FRMD6: variants seen among roughly 807,000 people sequenced by gnomAD.
FRMD6 encodes the protein FERM domain containing 6, also known as FERM domain-containing protein 6.
In FRMD6, 37 loss-of-function variants were observed where a neutral mutation model predicts 73.2. That is an observed-to-expected ratio of 0.51 (90% CI 0.39 to 0.66). The LOEUF (loss-of-function observed/expected upper bound fraction) is 0.66. Ranked by LOEUF, FRMD6 falls within the 30% of genes least tolerant of loss-of-function variation. The pLI is 0.00. For missense variants in FRMD6, 714 were observed against 780.5 expected, an observed-to-expected ratio of 0.91 and a Z score of 1.02; for synonymous variants, 273 against 282.2, an observed-to-expected ratio of 0.97 and a Z score of 0.33.
intron 1 of FRMD6, among the ~76,000 whole-genome samples, chr14:51,508,462 C>T (rs1884106611): frequency 6.6e-6 from 1 of 152,148 alleles, no homozygotes; most frequent in African/African-American, 2.4e-5. Flanking sequence ...CCTTCCTTTC[C>T]CACAAGTCCT....
rs1446511602 is a variant in FRMD6, at chr14:51,728,331, C to T, written c.*302C>T. On this transcript the variant is annotated 3_prime_UTR_variant, in exon 14 of 14. Coordinates refer to ENST00000344768, the MANE Select transcript of FRMD6 (RefSeq NM_001267046.2). ...AGAATATTGGAGTGTGGTGTGTTTG[C>T]TCATCTGATGCTTTTTAGTTCAGTT... 1 of 280,998 alleles carries T rather than the reference C, an allele frequency of 3.6e-6. No individual in the cohort carries two copies. The highest frequency in any genetic ancestry group is 2.2e-5 in the African/African-American group (1 of 46,496). 17.4% of individuals were successfully genotyped at this position (280,998 alleles called of 1,614,324 possible).
At chr14:51,616,471 G>A (rs1352783036) in intron 2 of FRMD6, among the ~76,000 whole-genome samples, 1 of 152,314 alleles carries the variant, frequency 6.6e-6, no homozygotes, top group African/African-American at 2.4e-5. Context: ...CTGAAGATAA[G>A]CCACACAGCT....
the FRMD6 span, among the ~76,000 whole-genome samples, chr14:51,425,202 C>T: frequency 6.6e-6 from 1 of 152,164 alleles, no homozygotes; most frequent in Non-Finnish European, 1.5e-5. Context: ...GATGCTGCCA[C>T]CCAATCTCAT....
At chr14:51,599,058 CTTTTTTTTTTTTTTTTT>C (rs59151771) in intron 2 of FRMD6, among the ~76,000 whole-genome samples, 2 of 72,800 alleles carry the variant, frequency 2.7e-5, no homozygotes, top group African/African-American at 1.1e-4. Context: ...CAGTATCTGT[CTTTTTTTTTTTTTTTTT>C]TTTTTTTTTT....
chr14:51,627,213 A>C (rs1158444967), intron 2 of FRMD6, among the ~76,000 whole-genome samples: 1 of 152,202 alleles, frequency 6.6e-6, no homozygotes, highest in Non-Finnish European at 1.5e-5. Flanking sequence ...GCATGATTAA[A>C]ATATCAAGCC....
chr14:51,617,554 G>C (rs1393314176), intron 2 of FRMD6, among the ~76,000 whole-genome samples: 2 of 152,144 alleles, frequency 1.3e-5, no homozygotes. Context: ...GCACATATAT[G>C]TTTGAGACCT....
At position 51,555,898 on chromosome 14, in the gene FRMD6, C is replaced by T. The variant is rs80305352; in HGVS notation, c.-209-14450C>T. Among the ~76,000 whole-genome samples, 29 of 151,848 alleles carry T rather than the reference C, an allele frequency of 1.9e-4. 1 individual carries two copies. The East Asian group carries it at 4.3e-3, about 22-fold the overall frequency. On this transcript the variant is annotated intron_variant, in intron 1 of 14. Coordinates refer to the FRMD6 transcript ENST00000356218. ...GTTGCTGTTAATTACATGTTGGGTA[C>T]TGCTTACTTCCTATGTAAGGTCCAA...
At chr14:51,652,397 C>T (rs1383469356) in intron 1 of FRMD6, among the ~76,000 whole-genome samples, 1 of 152,196 alleles carries the variant, frequency 6.6e-6, no homozygotes, top group African/African-American at 2.4e-5. Context: ...GTCCCTGGTT[C>T]TCTGCATCGC....
At chr14:51,674,245 C>T (rs980772326) in intron 1 of FRMD6, among the ~76,000 whole-genome samples, 1 of 152,174 alleles carries the variant, frequency 6.6e-6, no homozygotes, top group African/African-American at 2.4e-5. Context: ...TTCATTCATT[C>T]TTCCAAACGT....
At chr14:51,470,128 C>A in the FRMD6 span, among the ~76,000 whole-genome samples, 2 of 151,930 alleles carry the variant, frequency 1.3e-5, no homozygotes, top group Non-Finnish European at 2.9e-5. Flanking sequence ...ATAATGATAA[C>A]CCCCTTTTCA....
At chr14:51,488,350 T>A (rs1368054645), upstream of FRMD6, among the ~76,000 whole-genome samples, 4 of 152,166 alleles carry the variant, frequency 2.6e-5, no homozygotes, top group Admixed American at 2.0e-4. Context: ...AAAAACAAGA[T>A]GGAATAGATG....
chr14:51,437,666 C>CT, the FRMD6 span, among the ~76,000 whole-genome samples: 8 of 152,020 alleles, frequency 5.3e-5, no homozygotes, highest in African/African-American at 1.7e-4. Flanking sequence ...TCCTTTTTCC[C>CT]TTTTTTTTCC....
chr14:51,412,941 G>T, the FRMD6 span, among the ~76,000 whole-genome samples: 9 of 152,056 alleles, frequency 5.9e-5, no homozygotes, highest in East Asian at 1.4e-3. Context: ...GTGGGCTGGG[G>T]TGACTGCACC....
At chr14:51,565,091 G>A (rs1164700726) in intron 1 of FRMD6, 1 of 152,226 alleles carries the variant, frequency 6.6e-6, no homozygotes, top group Non-Finnish European at 1.5e-5. Flanking sequence ...AACCCAGACC[G>A]GGTTTGGCTC....
chr14:51,502,173 A>G (rs1488397557), intron 1 of FRMD6, among the ~76,000 whole-genome samples: 1 of 151,864 alleles, frequency 6.6e-6, no homozygotes, highest in African/African-American at 2.4e-5. Flanking sequence ...ATTATAGTTT[A>G]TTTTGCTGTA....
chr14:51,486,653 G>A (rs1171994810), upstream of FRMD6, among the ~76,000 whole-genome samples: 1 of 152,200 alleles, frequency 6.6e-6, no homozygotes, highest in Non-Finnish European at 1.5e-5. Flanking sequence ...TTCCTGGTCA[G>A]TCCAGAGCTT....
At chr14:51,530,797 T>C (rs1479293684) in intron 1 of FRMD6, among the ~76,000 whole-genome samples, 1 of 152,140 alleles carries the variant, frequency 6.6e-6, no homozygotes, top group Admixed American at 6.5e-5. Context: ...GCAAGATATT[T>C]ATTAATTAGA....
chr14:51,655,492 A>G (rs1180383036), intron 1 of FRMD6, among the ~76,000 whole-genome samples: 1 of 152,122 alleles, frequency 6.6e-6, no homozygotes, highest in Non-Finnish European at 1.5e-5. Context: ...TTAAACTTTT[A>G]TACAGAGGGT....
intron 1 of FRMD6, among the ~76,000 whole-genome samples, chr14:51,515,771 G>C (rs1884597691): frequency 6.6e-6 from 1 of 151,096 alleles, no homozygotes; most frequent in East Asian, 1.9e-4. Context: ...TTGAATAGCT[G>C]TGTCAGGGAG....
Sources: allele counts gnomAD v4.1 joint callset (sites outside exome capture counted in the v4.1 genomes callset), GRCh38; gene constraint gnomAD v4.1.1; transcripts MANE v1.5; gene names NCBI Gene and HGNC (gene_info 2026-07-23, HGNC 2026-07-21).